Variants in CHCHD3 observed in about 807,000 individuals in gnomAD.
CHCHD3 encodes the protein MICOS complex subunit MIC19.
In CHCHD3, 20 loss-of-function variants were observed where a neutral mutation model predicts 38.2. That is an observed-to-expected ratio of 0.52 (90% CI 0.37 to 0.76). The LOEUF (loss-of-function observed/expected upper bound fraction) is 0.76, where lower values mean the gene tolerates loss of function less well. Ranked by LOEUF, CHCHD3 falls within the 30% of genes least tolerant of loss-of-function variation. The pLI is 0.00. For synonymous variants in CHCHD3, 82 were observed against 100.0 expected, an observed-to-expected ratio of 0.82 and a Z score of 1.07; for missense variants, 245 against 279.2, an observed-to-expected ratio of 0.88 and a Z score of 0.87.
intron 5 of CHCHD3, among the ~76,000 whole-genome samples, chr7:132,843,524 T>C (rs1585564703): frequency 6.6e-6 from 1 of 152,208 alleles, no homozygotes; most frequent in East Asian, 1.9e-4. Flanking sequence ...ACAAAGGTAC[T>C]CCAAATTAGT....
At chr7:132,952,016 G>A (rs1811047271) in intron 4 of CHCHD3, among the ~76,000 whole-genome samples, 1 of 152,184 alleles carries the variant, frequency 6.6e-6, no homozygotes, top group African/African-American at 2.4e-5. Flanking sequence ...AAAACATGAA[G>A]AGCATGACTG....
chr7:133,001,583 A>C (rs1812573268), intron 3 of CHCHD3, among the ~76,000 whole-genome samples: 2 of 152,184 alleles, frequency 1.3e-5, no homozygotes, highest in African/African-American at 4.8e-5. Flanking sequence ...CTCACTTAGC[A>C]CTTTTGGAAT....
intron 6 of CHCHD3, among the ~76,000 whole-genome samples, chr7:132,804,286 C>T (rs1418829535): frequency 6.6e-6 from 1 of 152,154 alleles, no homozygotes; most frequent in Non-Finnish European, 1.5e-5. Flanking sequence ...TAATAGCTTA[C>T]AATCACAGAC....
At chr7:133,050,474 C>T (rs1049732999) in intron 2 of CHCHD3, among the ~76,000 whole-genome samples, 4 of 149,456 alleles carry the variant, frequency 2.7e-5, no homozygotes, top group African/African-American at 7.4e-5. Flanking sequence ...TAATGGCACA[C>T]AGGGTGACAG....
At chr7:132,864,622 T>C (rs896253858) in intron 5 of CHCHD3, among the ~76,000 whole-genome samples, 2 of 152,138 alleles carry the variant, frequency 1.3e-5, no homozygotes, top group Admixed American at 6.5e-5. Context: ...GAAGTATGTC[T>C]GTACTGTGAT....
intron 6 of CHCHD3, among the ~76,000 whole-genome samples, chr7:132,820,071 C>T (rs113748356): frequency 8.5e-5 from 13 of 152,070 alleles, no homozygotes; most frequent in South Asian, 2.1e-4. Context: ...AAACTTATTT[C>T]GCTTTTAATC....
intron 5 of CHCHD3, among the ~76,000 whole-genome samples, chr7:132,839,909 A>C (rs1807895515): frequency 6.6e-6 from 1 of 152,220 alleles, no homozygotes; most frequent in Non-Finnish European, 1.5e-5. Flanking sequence ...TCTTTCTTGC[A>C]CCTGATCAAT....
intron 5 of CHCHD3, among the ~76,000 whole-genome samples, chr7:132,882,919 T>C (rs968935801): frequency 1.3e-5 from 2 of 152,150 alleles, no homozygotes; most frequent in African/African-American, 2.4e-5. Flanking sequence ...ACCCACATGT[T>C]GAGGGAGGGA....
intron 5 of CHCHD3, chr7:132,849,474 T>C (rs1252876529): frequency 6.6e-6 from 1 of 152,208 alleles, no homozygotes; most frequent in Non-Finnish European, 1.5e-5. Context: ...TTCAAATCCA[T>C]ATCACCAGTC....
chr7:133,066,537 G>A (rs1366899146), intron 2 of CHCHD3, among the ~76,000 whole-genome samples: 1 of 152,028 alleles, frequency 6.6e-6, no homozygotes, highest in Non-Finnish European at 1.5e-5. Flanking sequence ...TTACAGGCAT[G>A]AGCCACCAAG....
At chr7:133,065,793 TAAG>T in intron 2 of CHCHD3, among the ~76,000 whole-genome samples, 1 of 152,360 alleles carries the variant, frequency 6.6e-6, no homozygotes, top group South Asian at 2.1e-4. Flanking sequence ...TTTTTAATTC[TAAG>T]AAGAATAAAT....
At chr7:132,956,029 A>C (rs1470619895) in intron 4 of CHCHD3, among the ~76,000 whole-genome samples, 1 of 152,216 alleles carries the variant, frequency 6.6e-6, no homozygotes, top group African/African-American at 2.4e-5. Flanking sequence ...AGCCTGACTA[A>C]AGTTTTGCTC....
chr7:132,892,216 G>A (rs1186828250), intron 4 of CHCHD3, among the ~76,000 whole-genome samples: 1 of 152,198 alleles, frequency 6.6e-6, no homozygotes, highest in African/African-American at 2.4e-5. Context: ...CTTGTTGAAC[G>A]GTTTTGACCA....
chr7:132,990,586 G>A (rs572692867), intron 3 of CHCHD3, among the ~76,000 whole-genome samples: 10 of 152,290 alleles, frequency 6.6e-5, no homozygotes, highest in African/African-American at 2.4e-4. Flanking sequence ...TCATAAAGAG[G>A]ACCGTAAGCT....
At chr7:133,076,938 C>T (rs1049624133) in intron 1 of CHCHD3, among the ~76,000 whole-genome samples, 2 of 152,106 alleles carry the variant, frequency 1.3e-5, no homozygotes, top group Non-Finnish European at 2.9e-5. Context: ...TCTCTTGATC[C>T]TCCTTCCACT....
intron 3 of CHCHD3, among the ~76,000 whole-genome samples, chr7:132,997,659 TAAAAAAAAAAAAA>T (rs71178073): frequency 3.7e-5 from 3 of 81,742 alleles, no homozygotes; most frequent in Non-Finnish European, 7.2e-5. Context: ...AACAGGGTTG[TAAAAAAAAAAAAA>T]AAAAAAAAAA....
chr7:132,824,347 C>T (rs948362584), intron 6 of CHCHD3, among the ~76,000 whole-genome samples: 39 of 99,242 alleles, frequency 3.9e-4, no homozygotes, highest in Admixed American at 2.6e-3. Flanking sequence ...GAGACGGAGT[C>T]TCGCTCTGTC....
chr7:133,066,411 C>T (rs751859679), intron 2 of CHCHD3, among the ~76,000 whole-genome samples: 2 of 152,012 alleles, frequency 1.3e-5, no homozygotes, highest in South Asian at 4.2e-4. Flanking sequence ...TGTGCCACCA[C>T]GCCCAGCTAT....
chr7:132,926,842 GT>G (rs200736776), intron 4 of CHCHD3, among the ~76,000 whole-genome samples: 5 of 149,496 alleles, frequency 3.3e-5, no homozygotes, highest in East Asian at 2.0e-4. Context: ...TTGTATTGTT[GT>G]TTTTTTTTCC....
Sources: allele counts gnomAD v4.1 joint callset (sites outside exome capture counted in the v4.1 genomes callset), GRCh38; gene constraint gnomAD v4.1.1; transcripts MANE v1.5; gene names NCBI Gene and HGNC (gene_info 2026-07-23, HGNC 2026-07-21).